MOB2: variants seen among roughly 807,000 people sequenced by gnomAD.
MOB2 encodes MOB2 Mps One Binder homolog.
In MOB2, 14 loss-of-function variants were observed where a neutral mutation model predicts 27.4. That is an observed-to-expected ratio of 0.51 (90% CI 0.34 to 0.80). The LOEUF is 0.80. Ranked by LOEUF, MOB2 falls within the 30% of genes least tolerant of loss-of-function variation. MOB2 has a pLI of 0.01. For missense variants in MOB2, 304 were observed against 354.6 expected (o/e 0.86, Z 1.15); for synonymous variants, 167 against 151.8 (o/e 1.10, Z -0.74).
rs1013039811 is a variant in MOB2, at chr11:1,477,366, T to G, written c.365+3027A>C. ...CACTTCCGCTTCCTTCTGATGGGTG[T>G]TTTCTCAGCACATCTTGTCCTCTTA... is the stretch of plus-strand genomic sequence containing the variant. On this transcript the variant is annotated intron_variant, in intron 3 of 4. Transcript: ENST00000329957. 2.0e-5 allele frequency among the ~76,000 whole-genome samples: 3 copies of G among 152,180 alleles called. No individual in the cohort carries two copies. In the East Asian group the frequency reaches 5.8e-4, roughly 29 times the overall value.
intron 3 of MOB2, among the ~76,000 whole-genome samples, chr11:1,478,128 T>C (rs756622709): frequency 6.6e-5 from 10 of 152,200 alleles, no homozygotes; most frequent in Non-Finnish European, 1.2e-4. Context: ...CACTGGAGCA[T>C]AGCAGCTCTC....
chr11:1,486,316 G>A lies in MOB2; in HGVS notation c.110+131C>T, dbSNP rs553090820. 1,592 of 692,676 alleles carry A rather than the reference G, an allele frequency of 2.3e-3. 2 individuals carry two copies. Among genetic ancestry groups the A allele is most frequent in the Non-Finnish European group, 2.7e-3 (1,073 of 401,008 alleles). 42.9% of individuals were successfully genotyped at this position (692,676 alleles called of 1,614,324 possible). ...GCCCAGCACAGCTCGCTGCACAGCC[G>A]CCGGCCACACTGGGAGGGCAGCCAC... On this transcript the variant is annotated intron_variant, in intron 1 of 4. Transcript: ENST00000329957.
At chr11:1,486,085 G>C (rs970153148) in intron 1 of MOB2, among the ~76,000 whole-genome samples, 1 of 152,240 alleles carries the variant, frequency 6.6e-6, no homozygotes, top group East Asian at 1.9e-4. Context: ...CACACCCTGT[G>C]GGTTGCGGGA....
intron 3 of MOB2, among the ~76,000 whole-genome samples, chr11:1,474,644 C>G (rs1006417065): frequency 1.3e-5 from 2 of 152,150 alleles, no homozygotes; most frequent in African/African-American, 4.8e-5. Flanking sequence ...GACTCTCCAT[C>G]CACACGTTTG....
intron 1 of MOB2, among the ~76,000 whole-genome samples, chr11:1,486,029 C>A (rs537885421): frequency 3.5e-4 from 54 of 152,378 alleles, no homozygotes; most frequent in African/African-American, 1.1e-3. Context: ...CACAAACAGC[C>A]GCACGCTGGG....
Position 1,469,634 on chromosome 11 carries a change from G to A in MOB2, c.*538C>T. 2.2e-6 allele frequency: 1 copy of A among 457,022 alleles called. No homozygotes were observed. The highest frequency in any genetic ancestry group is 1.5e-5 in the South Asian group (1 of 64,564). The allele number at this position is 457,022 out of a possible 1,614,324, so 28.3% of individuals were successfully genotyped here. A position where few individuals can be genotyped will look rare whatever the true frequency, so the allele number is the denominator to read the frequency against. On this transcript the variant is annotated 3_prime_UTR_variant, in exon 5 of 5. Coordinates refer to ENST00000329957, the MANE Select transcript of MOB2 (RefSeq NM_001172223.3). ...GAGGCAGCAGGAAGGGGTGACAGGA[G>A]CAGGAGCAGGTGCAGGGCACCTCAC...
intron 1 of MOB2, among the ~76,000 whole-genome samples, chr11:1,484,021 G>A (rs530098131): frequency 1.3e-5 from 2 of 152,312 alleles, no homozygotes; most frequent in African/African-American, 2.4e-5. Flanking sequence ...CCTGAGGGAC[G>A]AGGACAGCAC....
At chr11:1,475,640 C>T (rs954623376) in intron 3 of MOB2, among the ~76,000 whole-genome samples, 9 of 152,126 alleles carry the variant, frequency 5.9e-5, no homozygotes, top group African/African-American at 1.9e-4. Context: ...TGGCTGGGGT[C>T]GCATATCAGG....
chr11:1,470,011 G>A lies in MOB2; in HGVS notation c.*161C>T. 1 of 1,525,694 alleles carries A rather than the reference G, an allele frequency of 6.6e-7. No homozygotes were observed. The highest frequency in any genetic ancestry group is 8.8e-7 in the Non-Finnish European group (1 of 1,138,066). 94.5% of individuals were successfully genotyped at this position (1,525,694 alleles called of 1,614,324 possible). ...CAGGGGGCCACAGGACACGGCCGGGGCCGTCTGCGTCTGTGCCTGTGCAGC... is the reference window on the plus strand; with the variant it reads ...CAGGGGGCCACAGGACACGGCCGGGACCGTCTGCGTCTGTGCCTGTGCAGC... On this transcript the variant is annotated 3_prime_UTR_variant, in exon 5 of 5. Transcript: ENST00000329957.
At chr11:1,480,364 A>T in intron 3 of MOB2, 29 bp downstream of exon 3, 1 of 1,605,130 alleles carries the variant, frequency 6.2e-7, no homozygotes, top group Non-Finnish European at 8.5e-7. Context: ...CTCCCAAGAG[A>T]AAGTGGGCTG....
chr11:1,486,381 G>A (rs913817463), intron 1 of MOB2, 66 bp downstream of exon 1: 3 of 1,287,692 alleles, frequency 2.3e-6, no homozygotes, highest in South Asian at 2.6e-5. Context: ...CCTCCTTCCT[G>A]GGGGCAAGAA....
intron 2 of MOB2, 115 bp from the exon 3 acceptor site, chr11:1,480,601 C>A (rs1285609608): frequency 1.3e-6 from 2 of 1,527,748 alleles, no homozygotes; most frequent in East Asian, 2.3e-5. Flanking sequence ...TGCCCGTCCA[C>A]GGGCCACATT....
At chr11:1,473,837 G>A (rs747788985) in intron 3 of MOB2, among the ~76,000 whole-genome samples, 33 of 152,344 alleles carry the variant, frequency 2.2e-4, no homozygotes, top group Middle Eastern at 3.4e-3. Context: ...CCTCACACCC[G>A]TGCTGCTGTG....
chr11:1,482,460 G>C (rs1392760021), intron 1 of MOB2, among the ~76,000 whole-genome samples: 1 of 152,236 alleles, frequency 6.6e-6, no homozygotes, highest in Non-Finnish European at 1.5e-5. Flanking sequence ...TGGAGACCTG[G>C]CTTCCCTCTC....
chr11:1,474,125 G>T (rs945397415), intron 3 of MOB2, among the ~76,000 whole-genome samples: 1 of 152,270 alleles, frequency 6.6e-6, no homozygotes, highest in South Asian at 2.1e-4. Context: ...ATGTGGGCAG[G>T]TGGACATGGG....
Position 1,469,458 on chromosome 11 carries a change from G to A in MOB2, c.*714C>T, listed in dbSNP as rs1266235286. The A allele has an allele frequency of 2.4e-6, 1 of 422,290 alleles. No homozygotes were observed. The highest frequency in any genetic ancestry group is 4.9e-6 in the Non-Finnish European group (1 of 205,952). The allele number at this position is 422,290 out of a possible 1,614,324, so 26.2% of individuals were successfully genotyped here. ...AGACGCTGAGACGTACACAGGCTCT[G>A]ACCTGAGAGAATTCTTTTTATTACG... is the stretch of plus-strand genomic sequence containing the variant. On this transcript the variant is annotated 3_prime_UTR_variant, in exon 5 of 5. Coordinates refer to ENST00000329957, the MANE Select transcript of MOB2 (RefSeq NM_001172223.3).
At chr11:1,486,189 G>A (rs949681021) in intron 1 of MOB2, among the ~76,000 whole-genome samples, 33 of 152,390 alleles carry the variant, frequency 2.2e-4, no homozygotes, top group Admixed American at 1.1e-3. Flanking sequence ...AACAGGAAGT[G>A]CAGGCGGCTA....
rs1209457874 is a variant in MOB2 at position 1,469,465 on chromosome 11, G to A, written c.*707C>T. The A allele has an allele frequency of 3.7e-5, 16 of 430,290 alleles. 1 individual carries two copies. The highest frequency in any genetic ancestry group is 3.6e-4 in the Admixed American group (15 of 41,236). 26.7% of individuals were successfully genotyped at this position (430,290 alleles called of 1,614,324 possible). On this transcript the variant is annotated 3_prime_UTR_variant, in exon 5 of 5. Coordinates refer to ENST00000329957, the MANE Select transcript of MOB2 (RefSeq NM_001172223.3). ...GAGACGTACACAGGCTCTGACCTGA[G>A]AGAATTCTTTTTATTACGAGTGAAC...
At position 1,480,727 on chromosome 11, in the gene MOB2, T is replaced by C. The variant is rs1847902223; in HGVS notation, c.269A>G (p.Asn90Ser). Residue 90 changes from asparagine (N) to serine (S), a missense_variant and splice_region_variant, in exon 2 of 5, where the codon AAC (asparagine) becomes AGC (serine). Coordinates refer to ENST00000329957, the MANE Select transcript of MOB2 (RefSeq NM_001172223.3). ...EIDLNEWLAS[N>S]TTTFFHHINL... ...CCCGCCCCCAGGCCCCCGCGCACTG[T>C]TGCTGGCCAGCCACTCGTTAAGGTC... 2 of 1,603,230 alleles carry C rather than the reference T, an allele frequency of 1.2e-6. No homozygotes were observed. Among genetic ancestry groups the C allele is most frequent in the African/African-American group, 1.3e-5 (1 of 74,756 alleles).
Sources: gnomAD v4.1 joint callset for allele counts (sites outside exome capture counted in the v4.1 genomes callset) on GRCh38, gnomAD v4.1.1 for gene constraint, MANE v1.5 for transcripts, NCBI Gene and HGNC (gene_info 2026-07-23, HGNC 2026-07-21) for gene names.